TSPAN18: variants seen among roughly 807,000 people sequenced by gnomAD.
TSPAN18 encodes tetraspanin 18.
Under a neutral mutation model 27.3 loss-of-function variants are expected in TSPAN18, and 14 were observed. The observed-to-expected ratio is 0.51, with a 90% CI of 0.34 to 0.80. TSPAN18 has a LOEUF of 0.80. Ranked by LOEUF, TSPAN18 falls within the 30% of genes least tolerant of loss-of-function variation. TSPAN18 has a pLI of 0.01. For synonymous variants in TSPAN18, 143 were observed against 136.5 expected, an observed-to-expected ratio of 1.05 and a Z score of -0.33; for missense variants, 268 against 323.9, an observed-to-expected ratio of 0.83 and a Z score of 1.32.
intron 3 of TSPAN18, among the ~76,000 whole-genome samples, chr11:44,876,577 A>C (rs1858338770): frequency 6.6e-6 from 1 of 152,222 alleles, no homozygotes; most frequent in African/African-American, 2.4e-5. Context: ...TGACCAAGGA[A>C]GAAAAGGTAT....
chr11:44,847,384 T>C (rs1444806296), intron 2 of TSPAN18, among the ~76,000 whole-genome samples: 1 of 152,184 alleles, frequency 6.6e-6, no homozygotes, highest in Admixed American at 6.5e-5. Flanking sequence ...TGAGGCAAAA[T>C]TTACATAACA....
intron 2 of TSPAN18, among the ~76,000 whole-genome samples, chr11:44,792,509 G>A (rs891771152): frequency 6.6e-6 from 1 of 152,220 alleles, no homozygotes; most frequent in Admixed American, 6.5e-5. Context: ...GCACACAGTA[G>A]GTGCTACCTA....
At chr11:44,726,438 TCAGGCCCCTCCATGCAG>T (rs2134773693), upstream of TSPAN18, 1 of 152,200 alleles carries the variant, frequency 6.6e-6, no homozygotes, top group Non-Finnish European at 1.5e-5. Flanking sequence ...TGACCTGGGG[TCAGGCCCCTCCATGCAG>T]GAAGTCCCCT....
chr11:44,800,006 GTTTT>G (rs60067559), intron 2 of TSPAN18, among the ~76,000 whole-genome samples: 9 of 109,398 alleles, frequency 8.2e-5, no homozygotes, highest in African/African-American at 3.2e-4. Flanking sequence ...AATTTTTTGT[GTTTT>G]TTTTTTTTTT....
intron 2 of TSPAN18, among the ~76,000 whole-genome samples, chr11:44,820,596 C>G (rs143310427): frequency 1.3e-5 from 2 of 152,252 alleles, no homozygotes; most frequent in East Asian, 1.9e-4. Flanking sequence ...GGATCCTCAT[C>G]CATAAAATGA....
At chr11:44,891,480 G>A (rs985716915) in intron 3 of TSPAN18, among the ~76,000 whole-genome samples, 3 of 152,204 alleles carry the variant, frequency 2.0e-5, no homozygotes, top group Non-Finnish European at 4.4e-5. Flanking sequence ...AAGGCCAGGT[G>A]TACAGAAAGA....
intron 3 of TSPAN18, among the ~76,000 whole-genome samples, chr11:44,893,849 C>A (rs1858940072): frequency 6.6e-6 from 1 of 152,222 alleles, no homozygotes; most frequent in Non-Finnish European, 1.5e-5. Flanking sequence ...CAGTCCTCCC[C>A]ACATGGCCTC....
chr11:44,863,811 T>G (rs952380939), intron 3 of TSPAN18, among the ~76,000 whole-genome samples: 2 of 152,252 alleles, frequency 1.3e-5, no homozygotes, highest in Middle Eastern at 3.4e-3. Context: ...CTCGTAAGAC[T>G]GTGTGAAGAT....
intron 3 of TSPAN18, among the ~76,000 whole-genome samples, chr11:44,905,977 C>T (rs1197661466): frequency 6.6e-6 from 1 of 152,184 alleles, no homozygotes; most frequent in Non-Finnish European, 1.5e-5. Flanking sequence ...GGTCCAGGCT[C>T]TGGGCCTTGG....
chr11:44,851,290 G>A (rs1857594323), intron 2 of TSPAN18, among the ~76,000 whole-genome samples: 4 of 152,162 alleles, frequency 2.6e-5, no homozygotes, highest in Admixed American at 2.6e-4. Context: ...ACAGCTCCCT[G>A]GATGTCACAC....
At chr11:44,727,923 G>C (rs1854556041) in intron 1 of TSPAN18, among the ~76,000 whole-genome samples, 1 of 152,216 alleles carries the variant, frequency 6.6e-6, no homozygotes, top group Non-Finnish European at 1.5e-5. Context: ...AGATTTAGGG[G>C]GCAGTGGGAG....
intron 3 of TSPAN18, among the ~76,000 whole-genome samples, chr11:44,883,939 T>TGAAAATTAAA (rs776635118): frequency 0.023 from 3,464 of 152,294 alleles, 119 homozygotes; most frequent in East Asian, 0.1. Context: ...ATTAAATGAG[T>TGAAAATTAAA]TAACAGATGC....
At chr11:44,780,285 C>T (rs1327054286) in intron 2 of TSPAN18, among the ~76,000 whole-genome samples, 1 of 152,210 alleles carries the variant, frequency 6.6e-6, no homozygotes, top group Non-Finnish European at 1.5e-5. Flanking sequence ...TGTGGGCCTG[C>T]AGGACTCAGG....
intron 8 of TSPAN18, among the ~76,000 whole-genome samples, chr11:44,922,328 A>C (rs940997904): frequency 1.3e-5 from 2 of 152,174 alleles, no homozygotes; most frequent in Non-Finnish European, 2.9e-5. Context: ...CATGTTGTCC[A>C]GGCTGGTCTC....
intron 1 of TSPAN18, among the ~76,000 whole-genome samples, chr11:44,753,057 C>T (rs1270158809): frequency 1.3e-5 from 2 of 152,160 alleles, no homozygotes; most frequent in Non-Finnish European, 2.9e-5. Context: ...TAACAGTATC[C>T]ATATATTCTT....
intron 3 of TSPAN18, among the ~76,000 whole-genome samples, chr11:44,892,013 C>T (rs1858866863): frequency 6.6e-6 from 1 of 152,172 alleles, no homozygotes; most frequent in East Asian, 1.9e-4. Context: ...GCTCTCTGAA[C>T]CCCAGGGAAG....
At chr11:44,906,551 C>A in intron 4 of TSPAN18, 72 bp downstream of exon 4, 1 of 1,401,014 alleles carries the variant, frequency 7.1e-7, no homozygotes, top group Non-Finnish European at 1.0e-6. Flanking sequence ...AATAGTCACA[C>A]TGGGCTGAGT....
chr11:44,745,896 A>G (rs1055144725), intron 1 of TSPAN18, among the ~76,000 whole-genome samples: 24 of 152,128 alleles, frequency 1.6e-4, no homozygotes, highest in Non-Finnish European at 3.4e-4. Flanking sequence ...GCGTGGTTGC[A>G]GGCGCCTGTA....
At chr11:44,728,754 AG>A (rs1421053195) in intron 1 of TSPAN18, among the ~76,000 whole-genome samples, 1 of 152,282 alleles carries the variant, frequency 6.6e-6, no homozygotes, top group Middle Eastern at 3.4e-3. Flanking sequence ...TGCCTTGGGA[AG>A]TCGACGGCTG....
Sources: allele counts gnomAD v4.1 joint callset (sites outside exome capture counted in the v4.1 genomes callset), GRCh38; gene constraint gnomAD v4.1.1; transcripts MANE v1.5; gene names NCBI Gene and HGNC (gene_info 2026-07-23, HGNC 2026-07-21).